SLC49A4: variants seen among roughly 807,000 people sequenced by gnomAD.
SLC49A4 encodes the protein disrupted in renal cancer protein 2.
In SLC49A4, 36 loss-of-function variants were observed where a neutral mutation model predicts 50.6. The ratio of observed to expected loss-of-function variants is 0.71; its 90% CI spans 0.55 to 0.94. The LOEUF is 0.94. Among genes scored for constraint, SLC49A4 ranks in the 40% least tolerant of loss-of-function variants. The pLI is 0.00. For missense variants in SLC49A4, 503 were observed against 605.7 expected (o/e 0.83, Z 1.78); for synonymous variants, 248 against 241.2 (o/e 1.03, Z -0.26).
At chr3:122,833,547 T>C in intron 4 of SLC49A4, 101 bp downstream of exon 4, 1 of 1,097,390 alleles carries the variant, frequency 9.1e-7, no homozygotes, top group South Asian at 1.7e-5. Context: ...CAGCAACCTA[T>C]TAATTAGGTT....
chr3:122,804,467 C>T (rs978296965), intron 1 of SLC49A4, among the ~76,000 whole-genome samples: 1 of 152,180 alleles, frequency 6.6e-6, no homozygotes, highest in Non-Finnish European at 1.5e-5. Context: ...ACTCCTTTCC[C>T]TTGATGAGCT....
chr3:122,835,986 A>G (rs1486307169), intron 4 of SLC49A4, among the ~76,000 whole-genome samples: 1 of 152,198 alleles, frequency 6.6e-6, no homozygotes, highest in Non-Finnish European at 1.5e-5. Context: ...TCAAATGAAT[A>G]ACTCAGTCCT....
chr3:122,844,797 A>T (rs184305583), intron 4 of SLC49A4, among the ~76,000 whole-genome samples: 4,961 of 151,924 alleles, frequency 0.033, 121 homozygotes, highest in Middle Eastern at 0.078. Flanking sequence ...AAAAAAAAAA[A>T]TTTCAAGAAG....
intron 1 of SLC49A4, among the ~76,000 whole-genome samples, chr3:122,802,783 G>T (rs1936151882): frequency 6.6e-6 from 1 of 152,122 alleles, no homozygotes; most frequent in Non-Finnish European, 1.5e-5. Context: ...TACTGGACAG[G>T]ATTTAACAGC....
chr3:122,816,050 TCTTTA>T (rs1936363437), intron 2 of SLC49A4, among the ~76,000 whole-genome samples: 1 of 152,192 alleles, frequency 6.6e-6, no homozygotes, highest in African/African-American at 2.4e-5. Flanking sequence ...TTGAATCTCC[TCTTTA>T]CTTTACCAGC....
At chr3:122,843,554 AGTTT>A (rs1304872368) in intron 4 of SLC49A4, among the ~76,000 whole-genome samples, 1 of 152,380 alleles carries the variant, frequency 6.6e-6, no homozygotes, top group East Asian at 1.9e-4. Flanking sequence ...AACATTTAAC[AGTTT>A]GTTTGAACAG....
At chr3:122,826,166 G>C (rs1265963899) in intron 2 of SLC49A4, among the ~76,000 whole-genome samples, 1 of 152,218 alleles carries the variant, frequency 6.6e-6, no homozygotes. Flanking sequence ...CTAGCCCTGA[G>C]CTCAGCTGGA....
chr3:122,812,398 C>T (rs1436388900), intron 2 of SLC49A4, among the ~76,000 whole-genome samples: 1 of 152,152 alleles, frequency 6.6e-6, no homozygotes, highest in African/African-American at 2.4e-5. Flanking sequence ...TAAAAATGAG[C>T]AATTGGTAGA....
At chr3:122,840,434 G>A (rs910619183) in intron 4 of SLC49A4, among the ~76,000 whole-genome samples, 1 of 151,874 alleles carries the variant, frequency 6.6e-6, no homozygotes, top group African/African-American at 2.4e-5. Context: ...AAAAATCTTT[G>A]AAAATTTTTA....
chr3:122,805,100 G>A (rs1576290387), intron 1 of SLC49A4, among the ~76,000 whole-genome samples: 1 of 152,184 alleles, frequency 6.6e-6, no homozygotes, highest in South Asian at 2.1e-4. Context: ...ATCCTTGTAA[G>A]AGCAACATTT....
intron 4 of SLC49A4, among the ~76,000 whole-genome samples, chr3:122,840,151 C>T (rs546505822): frequency 3.7e-4 from 57 of 152,276 alleles, no homozygotes; most frequent in African/African-American, 1.3e-3. Context: ...AAATCAAACA[C>T]TGTATGTTCT....
At chr3:122,796,835 A>G (rs1040753902) in intron 1 of SLC49A4, among the ~76,000 whole-genome samples, 13 of 152,160 alleles carry the variant, frequency 8.5e-5, no homozygotes, top group Non-Finnish European at 1.3e-4. Context: ...GTGAGCTGTG[A>G]TGGCACCACT....
At chr3:122,818,951 A>C (rs553860373) in intron 2 of SLC49A4, among the ~76,000 whole-genome samples, 132 of 146,058 alleles carry the variant, frequency 9.0e-4, no homozygotes, top group African/African-American at 2.5e-3. Flanking sequence ...TGTCCCCCCC[A>C]AAAAAAAAAA....
intron 4 of SLC49A4, among the ~76,000 whole-genome samples, chr3:122,835,028 A>G (rs1936659759): frequency 6.6e-6 from 1 of 152,212 alleles, no homozygotes; most frequent in South Asian, 2.1e-4. Context: ...GAACAGACCA[A>G]TAATGAGCCG....
chr3:122,877,074 C>A (rs971796667), intron 8 of SLC49A4, among the ~76,000 whole-genome samples: 1 of 152,164 alleles, frequency 6.6e-6, no homozygotes, highest in East Asian at 1.9e-4. Context: ...CAGTGGCTCG[C>A]GATTCTGTTA....
At chr3:122,866,708 C>G (rs531844542) in intron 7 of SLC49A4, among the ~76,000 whole-genome samples, 1 of 151,922 alleles carries the variant, frequency 6.6e-6, no homozygotes, top group African/African-American at 2.4e-5. Context: ...TCTAACCATC[C>G]CCCCCTGCCC....
chr3:122,856,759 C>T (rs2107578370), intron 6 of SLC49A4, among the ~76,000 whole-genome samples: 1 of 151,794 alleles, frequency 6.6e-6, no homozygotes, highest in African/African-American at 2.4e-5. Context: ...TTGCTTGAAC[C>T]CCGGGAGGCA....
chr3:122,819,484 C>T (rs1936421577), intron 2 of SLC49A4, among the ~76,000 whole-genome samples: 1 of 152,136 alleles, frequency 6.6e-6, no homozygotes, highest in African/African-American at 2.4e-5. Context: ...TGTTCATCTT[C>T]ATATTCCCTT....
At chr3:122,868,933 A>G (rs1576311862) in intron 7 of SLC49A4, among the ~76,000 whole-genome samples, 1 of 152,196 alleles carries the variant, frequency 6.6e-6, no homozygotes. Flanking sequence ...TATAATAGGC[A>G]TTCTAACAAA....
Sources: gnomAD v4.1 joint callset for allele counts (sites outside exome capture counted in the v4.1 genomes callset) on GRCh38, gnomAD v4.1.1 for gene constraint, MANE v1.5 for transcripts, NCBI Gene and HGNC (gene_info 2026-07-23, HGNC 2026-07-21) for gene names.